Variants in DSEL observed in about 807,000 individuals in gnomAD.
DSEL encodes the protein dermatan sulfate epimerase like.
A neutral mutation model predicts 96.6 loss-of-function variants in DSEL; 61 were observed. The ratio of observed to expected loss-of-function variants is 0.63; its 90% confidence interval spans 0.51 to 0.78. The LOEUF (loss-of-function observed/expected upper bound fraction) is 0.78. Ranked by LOEUF, DSEL falls within the 30% of genes least tolerant of loss-of-function variation. The pLI is 0.00. For synonymous variants in DSEL, 514 were observed against 502.0 expected (o/e 1.02, Z -0.32); for missense variants, 1,320 against 1,430.8 (o/e 0.92, Z 1.25).
In DSEL at chr18:67,514,108, C is replaced by T. The variant is rs2089461240; in HGVS notation, c.501G>A (p.Glu167=). ...DWLVENAPGD[E]VPIGHSLTGF... The stretch of plus-strand genomic sequence containing the variant: ...CTGTTAAGGAATGGCCAATTGGAAC[C>T]TCATCTCCTGGTGCATTCTCTACTA... The change falls in exon 2 of 2, where the codon GAG becomes GAA. Residue 167 remains glutamate (E), a synonymous_variant. Transcript: ENST00000310045. 1 of 1,614,182 alleles carries T rather than the reference C, an allele frequency of 6.2e-7. No individual in the cohort carries two copies. The highest frequency in any genetic ancestry group is 1.1e-5 in the South Asian group (1 of 91,082).
rs762816282 is a variant in DSEL, at chr18:67,511,972, G to A, written c.2637C>T (p.Leu879=). 3 of 1,614,140 alleles carry A rather than the reference G, an allele frequency of 1.9e-6. No individual in the cohort carries two copies. Among genetic ancestry groups the A allele is most frequent in the South Asian group, 2.2e-5 (2 of 91,080 alleles). Reference sequence around the variant, plus strand: ...TGTAGGCTGTAGGAACCCTGATGTAGAGAAAATCACTACTGTTGAAAAAAA... The same window carrying A: ...TGTAGGCTGTAGGAACCCTGATGTAAAGAAAATCACTACTGTTGAAAAAAA... ...KQLFFNSSDF[L]YIRVPTAYID... Residue 879 remains leucine (L), a synonymous_variant, in exon 2 of 2, where the codon CTC becomes CTT. Coordinates refer to ENST00000310045, the MANE Select transcript of DSEL (RefSeq NM_032160.3).
In DSEL at chr18:67,513,074, T is replaced by C; in HGVS notation, c.1535A>G (p.Asn512Ser). 2 of 1,614,198 alleles carry C rather than the reference T, an allele frequency of 1.2e-6. No homozygotes were observed. The highest frequency in any genetic ancestry group is 1.7e-6 in the Non-Finnish European group (2 of 1,180,038). ...VFAPSPSSQC[N>S]KPWEGQLGEC... ...TCCCAGTTGACCTTCCCAGGGCTTA[T>C]TACACTGGCTTGAGGGTGATGGAGC... Residue 512 changes from asparagine to serine, a missense_variant, in exon 2 of 2, where the codon AAT (asparagine) becomes AGT (serine). Asn to Ser is a conservative substitution (Grantham distance 46). This residue lies in a region of DSEL where 986 missense variants were observed against 1,066.4 expected (regional missense o/e 0.92). Transcript: ENST00000310045.
rs750262093 is a variant in DSEL at position 67,514,419 on chromosome 18, T to A, written c.190A>T (p.Ser64Cys). Residue 64 changes from serine (S) to cysteine (C), a missense_variant, in exon 2 of 2, where the codon AGT becomes TGT. Transcript: ENST00000310045. Reference protein sequence around the residue: ...QKLKKSMLHPSLYFDAGEIQA... With the variant: ...QKLKKSMLHPCLYFDAGEIQA... ...ATTTCTCCAGCATCAAAATATAAAC[T>A]TGGATGAAGCATACTTTTCTTCAGC... The A allele has an allele frequency of 6.2e-7, 1 of 1,614,154 alleles. No homozygotes were observed. Among genetic ancestry groups the A allele is most frequent in the East Asian group, 2.2e-5 (1 of 44,888 alleles).
At position 67,516,405 on chromosome 18, in the gene DSEL, A is replaced by T. The variant is rs1258312956; in HGVS notation, c.-929T>A. Reference sequence around the variant, plus strand: ...GGGCTCGGCGCCGCACTGGGCCCCAAGGGAGACGGAGGTGGAGAGTTCCAG... The same window carrying T: ...GGGCTCGGCGCCGCACTGGGCCCCATGGGAGACGGAGGTGGAGAGTTCCAG... On this transcript the variant is annotated 5_prime_UTR_variant, in exon 1 of 2. In the 5' UTR this introduces an upstream ATG that the reference lacks. Coordinates refer to ENST00000310045, the MANE Select transcript of DSEL (RefSeq NM_032160.3). The surrounding 1 kb of genome is among the most constrained non-coding windows in gnomAD (Gnocchi z 5.6). 6.6e-6 allele frequency: 1 copy of T among 152,266 alleles called. No homozygotes were observed. Among genetic ancestry groups the T allele is most frequent in the Non-Finnish European group, 1.5e-5 (1 of 68,136 alleles). The allele number at this position is 152,266 out of a possible 1,614,324, so 9.4% of individuals were successfully genotyped here.
In DSEL at chr18:67,514,210, C is replaced by T; in HGVS notation, c.399G>A (p.Leu133=). The part of the protein sequence containing the change: ...NNLPPLALYC[L]LCPEDKVAFE... ...AGGCAACTTTGTCTTCTGGGCATAACAAACAGTACAATGCTAAAGGAGGCA... is the reference window on the plus strand; with the variant it reads ...AGGCAACTTTGTCTTCTGGGCATAATAAACAGTACAATGCTAAAGGAGGCA... Residue 133 remains leucine, a synonymous_variant, in exon 2 of 2, where the codon TTG becomes TTA. Coordinates refer to ENST00000310045, the MANE Select transcript of DSEL (RefSeq NM_032160.3). 6.2e-7 allele frequency: 1 copy of T among 1,614,144 alleles called. No individual in the cohort carries two copies. Among genetic ancestry groups the T allele is most frequent in the Non-Finnish European group, 8.5e-7 (1 of 1,180,024 alleles).
rs145924239 is a variant in DSEL, at chr18:67,514,161, C to T, written c.448G>A (p.Asp150Asn). 136 of 1,614,056 alleles carry T rather than the reference C, an allele frequency of 8.4e-5. No individual in the cohort carries two copies. Among genetic ancestry groups the T allele is most frequent in the Non-Finnish European group, 1.1e-4 (134 of 1,180,042 alleles). Residue 150 changes from aspartate (D) to asparagine (N), a missense_variant, in exon 2 of 2, where the codon GAC (aspartate) becomes AAC (asparagine). Physicochemically the swap from Asp to Asn is conservative, Grantham distance 23 (BLOSUM62 1). Transcript: ENST00000310045. ...CAGTCTTTGTAGCCAACCATCCTGT[C>T]CATATATTCCAAGACAAATTCAAAG... ...VAFEFVLEYM[D>N]RMVGYKDWLV...
Position 67,512,965 on chromosome 18 carries a change from T to C in DSEL, c.1644A>G (p.Glu548=). ...GEIITASQHG[E]MVFVSGEAVS... Reference sequence around the variant, plus strand: ...CGGCTTCCCCACTCACAAATACCATTTCCCCATGTTGAGAGGCAGTGATTA... The same window carrying C: ...CGGCTTCCCCACTCACAAATACCATCTCCCCATGTTGAGAGGCAGTGATTA... Residue 548 remains glutamate (E), a synonymous_variant, in exon 2 of 2, where the codon GAA becomes GAG. Coordinates refer to ENST00000310045, the MANE Select transcript of DSEL (RefSeq NM_032160.3). The C allele has an allele frequency of 1.2e-6, 2 of 1,614,144 alleles. No individual in the cohort carries two copies. The highest frequency in any genetic ancestry group is 1.7e-6 in the Non-Finnish European group (2 of 1,180,016).
Position 67,514,695 on chromosome 18 carries a change from T to C in DSEL, c.-87A>G. ...CATCTGGTTAGTATAAAACATACAG[T>C]AAAGGCCTTGATAAGACAAAGACTG... On this transcript the variant is annotated 5_prime_UTR_variant, in exon 2 of 2. Coordinates refer to ENST00000310045, the MANE Select transcript of DSEL (RefSeq NM_032160.3). The C allele has an allele frequency of 7.1e-7, 1 of 1,404,586 alleles. No homozygotes were observed. Among genetic ancestry groups the C allele is most frequent in the Non-Finnish European group, 9.8e-7 (1 of 1,024,082 alleles). The allele number at this position is 1,404,586 out of a possible 1,614,324, so 87.0% of individuals were successfully genotyped here.
chr18:67,514,800 A>C lies in DSEL; in HGVS notation c.-192T>G. The C allele has an allele frequency of 1.6e-6, 1 of 621,932 alleles. No homozygotes were observed. Among genetic ancestry groups the C allele is most frequent in the South Asian group, 2.5e-5 (1 of 40,660 alleles). The allele number at this position is 621,932 out of a possible 1,614,324, so 38.5% of individuals were successfully genotyped here. On this transcript the variant is annotated 5_prime_UTR_variant, in exon 2 of 2. Coordinates refer to ENST00000310045, the MANE Select transcript of DSEL (RefSeq NM_032160.3). The stretch of plus-strand genomic sequence containing the variant: ...CAGTTGCCAAAAAGAGAAAACTTAA[A>C]TTGTATATCTCTGTCCCTGGCACAG...
Position 67,512,214 on chromosome 18 carries a change from T to A in DSEL, c.2395A>T (p.Lys799Ter), listed in dbSNP as rs769025977. Residue 799 changes from lysine (K) to a stop codon, truncating the protein, a stop_gained, in exon 2 of 2, where the codon AAA (lysine) becomes TAA (stop). Transcript: ENST00000310045. LOFTEE classifies it high-confidence loss of function. ...AGTATTAATATCCATCGCATTAGTTTTCTAAAAGAAAGGTAAAAACGCCAT... is the reference window on the plus strand; with the variant it reads ...AGTATTAATATCCATCGCATTAGTTATCTAAAAGAAAGGTAAAAACGCCAT... Reference protein sequence around the residue: ...FQWRFYLSFRKLMRWILILVI... With the variant: ...FQWRFYLSFR 1.9e-6 allele frequency: 3 copies of A among 1,614,054 alleles called. No homozygotes were observed. In the African/African-American group the frequency reaches 4.0e-5, roughly 22 times the overall value.
rs1394388244 is a variant in DSEL at position 67,508,600 on chromosome 18, A to G, written c.*2370T>C. ...CGTAAGCCTGTACCTTTCTTTTGCT[A>G]TCAATGACGTGTTCCCATATTCATT... On this transcript the variant is annotated 3_prime_UTR_variant, in exon 2 of 2. Coordinates refer to ENST00000310045, the MANE Select transcript of DSEL (RefSeq NM_032160.3). The G allele has an allele frequency of 6.6e-6, 1 of 152,134 alleles. No homozygotes were observed. Among genetic ancestry groups the G allele is most frequent in the Non-Finnish European group, 1.5e-5 (1 of 68,044 alleles). 9.4% of individuals were successfully genotyped at this position (152,134 alleles called of 1,614,324 possible).
chr18:67,510,907 A>C lies in DSEL; in HGVS notation c.*63T>G. ...ACTAAAGAATAAACAAACTCTTCTGATTCATATCCACAAAGTGGGTTGGTA... is the reference window on the plus strand; with the variant it reads ...ACTAAAGAATAAACAAACTCTTCTGCTTCATATCCACAAAGTGGGTTGGTA... On this transcript the variant is annotated 3_prime_UTR_variant, in exon 2 of 2. Transcript: ENST00000310045. 7.4e-7 allele frequency: 1 copy of C among 1,346,506 alleles called. No individual in the cohort carries two copies. Among genetic ancestry groups the C allele is most frequent in the Non-Finnish European group, 1.0e-6 (1 of 983,090 alleles). The allele number at this position is 1,346,506 out of a possible 1,614,324, so 83.4% of individuals were successfully genotyped here. A position where few individuals can be genotyped will look rare whatever the true frequency, so the allele number is the denominator to read the frequency against.
chr18:67,513,891 C>T lies in DSEL; in HGVS notation c.718G>A (p.Gly240Arg). 2 of 1,614,188 alleles carry T rather than the reference C, an allele frequency of 1.2e-6. No homozygotes were observed. The highest frequency in any genetic ancestry group is 1.7e-6 in the Non-Finnish European group (2 of 1,180,024). The change falls in exon 2 of 2, where the codon GGA becomes AGA. Residue 240 changes from glycine to arginine, a missense_variant. Physicochemically the swap from Gly to Arg is moderately radical, Grantham distance 125 (BLOSUM62 -2). This residue lies in a region of DSEL where 323 missense variants were observed against 333.1 expected (regional missense o/e 0.97). Coordinates refer to ENST00000310045, the MANE Select transcript of DSEL (RefSeq NM_032160.3). ...IALLTGALVT[G>R]VDKGSKANIW... ...TTTGCTTTAGATCCTTTATCTACTC[C>T]AGTCACCAAGGCCCCTGTGAGTAAT...
In DSEL at chr18:67,513,976, G is replaced by A. The variant is rs1218857260; in HGVS notation, c.633C>T (p.Ser211=). ...WVITEEMYEY[S]KVRSWGKQLL... ...GCTGTTTGCCCCATGAGCGGACCTT[G>A]GAATACTCGTACATTTCCTCAGTAA... Residue 211 remains serine, a synonymous_variant, in exon 2 of 2, where the codon TCC becomes TCT. Coordinates refer to ENST00000310045, the MANE Select transcript of DSEL (RefSeq NM_032160.3). 2 of 1,613,950 alleles carry A rather than the reference G, an allele frequency of 1.2e-6. No homozygotes were observed. Among genetic ancestry groups the A allele is most frequent in the African/African-American group, 2.7e-5 (2 of 74,866 alleles).
At position 67,512,924 on chromosome 18, in the gene DSEL, G is replaced by C. The variant is rs758028241; in HGVS notation, c.1685C>G (p.Ser562Ter). Residue 562 changes from serine to a stop codon, truncating the protein, a stop_gained, in exon 2 of 2, where the codon TCA becomes TGA. Coordinates refer to ENST00000310045, the MANE Select transcript of DSEL (RefSeq NM_032160.3). LOFTEE classifies it high-confidence loss of function. Reference protein sequence around the residue: ...VSGEAVSAYSSAMRLKSVYRA... With the variant: ...VSGEAVSAYS ...ATATACACTTTTCAGTCTCATTGCT[G>C]AAGAATAAGCAGACACGGCTTCCCC... is the stretch of plus-strand genomic sequence containing the variant. The C allele has an allele frequency of 6.2e-7, 1 of 1,614,178 alleles. No individual in the cohort carries two copies. The highest frequency in any genetic ancestry group is 8.5e-7 in the Non-Finnish European group (1 of 1,180,034).
Position 67,513,363 on chromosome 18 carries a change from C to A in DSEL, c.1246G>T (p.Gly416Cys), listed in dbSNP as rs878883650. Residue 416 changes from glycine to cysteine, a missense_variant, in exon 2 of 2, where the codon GGT (glycine) becomes TGT (cysteine). Transcript: ENST00000310045. The part of the protein sequence containing the change: ...TAKIHTFPNW[G>C]VVTYGAGLPN... ...AACCCAGCCCCATAAGTAACCACAC[C>A]CCAGTTAGGGAATGTGTGTATTTTT... is the stretch of plus-strand genomic sequence containing the variant. The A allele has an allele frequency of 4.3e-6, 7 of 1,614,084 alleles. No homozygotes were observed. Among genetic ancestry groups the A allele is most frequent in the Non-Finnish European group, 5.9e-6 (7 of 1,180,026 alleles).
At chr18:67,515,740 A>T (rs1323694381) in intron 1 of DSEL, among the ~76,000 whole-genome samples, 1 of 152,030 alleles carries the variant, frequency 6.6e-6, no homozygotes, top group African/African-American at 2.4e-5. Flanking sequence ...ACAAGATAGA[A>T]CTCTCCCGAC....
Position 67,514,418 on chromosome 18 carries a change from C to G in DSEL, c.191G>C (p.Ser64Thr). The G allele has an allele frequency of 6.2e-7, 1 of 1,614,122 alleles. No homozygotes were observed. Among genetic ancestry groups the G allele is most frequent in the Non-Finnish European group, 8.5e-7 (1 of 1,180,018 alleles). The change falls in exon 2 of 2, where the codon AGT becomes ACT. Residue 64 changes from serine (S) to threonine (T), a missense_variant. By Grantham distance (58) the Ser-to-Thr change is moderately conservative. This residue lies in a region of DSEL where 323 missense variants were observed against 333.1 expected (regional missense o/e 0.97). Coordinates refer to ENST00000310045, the MANE Select transcript of DSEL (RefSeq NM_032160.3). Reference sequence around the variant, plus strand: ...GATTTCTCCAGCATCAAAATATAAACTTGGATGAAGCATACTTTTCTTCAG... The same window carrying G: ...GATTTCTCCAGCATCAAAATATAAAGTTGGATGAAGCATACTTTTCTTCAG... ...QKLKKSMLHP[S>T]LYFDAGEIQA...
At position 67,510,147 on chromosome 18, in the gene DSEL, G is replaced by C. The variant is rs370859868; in HGVS notation, c.*823C>G. ...GTTCAGCGATTAGTAACTACTGATT[G>C]TTTTGCTTGACAGTGACAGAAAGGA... On this transcript the variant is annotated 3_prime_UTR_variant, in exon 2 of 2. Coordinates refer to ENST00000310045, the MANE Select transcript of DSEL (RefSeq NM_032160.3). The C allele has an allele frequency of 4.6e-5, 7 of 152,316 alleles. No individual in the cohort carries two copies. The East Asian group carries it at 1.4e-3, about 29-fold the overall frequency. 9.4% of individuals were successfully genotyped at this position (152,316 alleles called of 1,614,324 possible).
Sources: allele counts gnomAD v4.1 joint callset (sites outside exome capture counted in the v4.1 genomes callset), GRCh38; gene constraint gnomAD v4.1.1; regional missense constraint gnomAD v4.1.1; non-coding constraint Gnocchi (gnomAD v3.1); transcripts MANE v1.5; gene names NCBI Gene and HGNC (gene_info 2026-07-23, HGNC 2026-07-21).